SLC44A5: variants seen among roughly 807,000 people sequenced by gnomAD.
The protein encoded by SLC44A5 is choline transporter-like protein 5.
Under a neutral mutation model 101.8 loss-of-function variants are expected in SLC44A5, and 57 were observed. The observed-to-expected ratio is 0.56, with a 90% CI of 0.45 to 0.70. SLC44A5 has a LOEUF of 0.70. Ranked by LOEUF, SLC44A5 falls within the 30% of genes least tolerant of loss-of-function variation. The pLI, the probability that SLC44A5 is intolerant of heterozygous loss-of-function variation, is 0.00. For synonymous variants in SLC44A5, 281 were observed against 290.9 expected, an observed-to-expected ratio of 0.97 and a Z score of 0.35; for missense variants, 737 against 853.1, an observed-to-expected ratio of 0.86 and a Z score of 1.70.
chr1:75,699,767 C>T, the SLC44A5 span, among the ~76,000 whole-genome samples: 7 of 152,066 alleles, frequency 4.6e-5, no homozygotes, highest in African/African-American at 1.2e-4. Context: ...ATCCATCTCA[C>T]GTGCAGAGAC....
intron 3 of SLC44A5, among the ~76,000 whole-genome samples, chr1:75,374,064 C>T (rs1401567235): frequency 6.6e-6 from 1 of 152,180 alleles, no homozygotes; most frequent in Non-Finnish European, 1.5e-5. Context: ...CCCCAAGGAG[C>T]CCTGCAGCCT....
At chr1:75,499,949 A>T (rs969416530) in intron 2 of SLC44A5, among the ~76,000 whole-genome samples, 1 of 152,124 alleles carries the variant, frequency 6.6e-6, no homozygotes, top group African/African-American at 2.4e-5. Context: ...AGTGATAGGC[A>T]TTATTACTAG....
At chr1:75,548,780 C>T (rs889951802) in intron 1 of SLC44A5, among the ~76,000 whole-genome samples, 1 of 152,110 alleles carries the variant, frequency 6.6e-6, no homozygotes, top group Admixed American at 6.6e-5. Flanking sequence ...CAGCCCAAAG[C>T]TCCCACTTTG....
the SLC44A5 span, among the ~76,000 whole-genome samples, chr1:75,619,817 C>T: frequency 2.0e-4 from 31 of 152,036 alleles, no homozygotes; most frequent in Non-Finnish European, 4.4e-5. Context: ...ATAGGTGTTT[C>T]TAAATTTCTG....
chr1:75,395,439 CAA>C (rs1662062476), intron 3 of SLC44A5, among the ~76,000 whole-genome samples: 4 of 152,066 alleles, frequency 2.6e-5, no homozygotes, highest in Admixed American at 2.6e-4. Context: ...ATAGCCTCTA[CAA>C]AAGTTTCTAT....
intron 3 of SLC44A5, among the ~76,000 whole-genome samples, chr1:75,359,101 G>A (rs1659292271): frequency 6.7e-6 from 1 of 148,754 alleles, no homozygotes; most frequent in African/African-American, 2.5e-5. Flanking sequence ...TTGTCTTTTT[G>A]TGCCTAGGCA....
intron 6 of SLC44A5, among the ~76,000 whole-genome samples, chr1:75,254,177 T>TA (rs1649819992): frequency 6.6e-6 from 1 of 152,048 alleles, no homozygotes; most frequent in Non-Finnish European, 1.5e-5. Context: ...TAGATGGGAT[T>TA]ACAGGCACCT....
At chr1:75,666,691 T>C in the SLC44A5 span, among the ~76,000 whole-genome samples, 1 of 152,048 alleles carries the variant, frequency 6.6e-6, no homozygotes, top group South Asian at 2.1e-4. Context: ...AAATCCTCAA[T>C]AAAATACTGG....
intron 2 of SLC44A5, among the ~76,000 whole-genome samples, chr1:75,444,218 G>A (rs866559996): frequency 1.3e-5 from 2 of 151,678 alleles, no homozygotes; most frequent in South Asian, 4.2e-4. Context: ...TTGAGAGGCT[G>A]AGGCAGGAGA....
the SLC44A5 span, among the ~76,000 whole-genome samples, chr1:75,699,804 G>T: frequency 2.0e-5 from 3 of 152,238 alleles, no homozygotes; most frequent in Non-Finnish European, 4.4e-5. Context: ...TAAAGAGATG[G>T]AGGAAGATCT....
At chr1:75,326,235 T>G (rs1656586842) in intron 4 of SLC44A5, among the ~76,000 whole-genome samples, 1 of 150,116 alleles carries the variant, frequency 6.7e-6, no homozygotes, top group African/African-American at 2.4e-5. Flanking sequence ...TATTCTGAAT[T>G]AAGACACCTT....
chr1:75,242,027 G>A lies in SLC44A5; in HGVS notation c.506C>T (p.Pro169Leu). ...AGGTTTGCTGGGAAAAATCGCTGTT[G>A]GACAATCATCATCCAGTAAAAGCTG... ...LTQLLLDDDC[P>L]TAIFPSKPFL... is the part of the protein sequence containing the mutation. The change falls in exon 9 of 24, where the codon CCA becomes CTA. Residue 169 changes from proline (P) to leucine (L), a missense_variant. Pro to Leu is a moderately conservative substitution (Grantham distance 98, BLOSUM62 -3). Coordinates refer to ENST00000370859, the MANE Select transcript of SLC44A5 (RefSeq NM_001130058.2). The A allele has an allele frequency of 6.2e-7, 1 of 1,611,934 alleles. No homozygotes were observed. The highest frequency in any genetic ancestry group is 8.5e-7 in the Non-Finnish European group (1 of 1,178,708).
chr1:75,399,112 G>T (rs781146765), intron 2 of SLC44A5, among the ~76,000 whole-genome samples: 1 of 151,886 alleles, frequency 6.6e-6, no homozygotes, highest in African/African-American at 2.4e-5. Flanking sequence ...GGAGGAGGGG[G>T]TAGCAATGAG....
chr1:75,328,492 T>G (rs1287655496), intron 4 of SLC44A5, among the ~76,000 whole-genome samples: 1 of 152,080 alleles, frequency 6.6e-6, no homozygotes, highest in African/African-American at 2.4e-5. Context: ...TATCTAAGAA[T>G]AGGAGATAGA....
intron 2 of SLC44A5, among the ~76,000 whole-genome samples, chr1:75,414,855 A>G (rs1369787329): frequency 1.3e-5 from 2 of 152,246 alleles, no homozygotes; most frequent in Non-Finnish European, 2.9e-5. Context: ...AGGCAGAGAC[A>G]ATAGTAAGAA....
intron 2 of SLC44A5, among the ~76,000 whole-genome samples, chr1:75,488,904 A>G (rs766462887): frequency 7.2e-4 from 109 of 152,320 alleles, no homozygotes; most frequent in Non-Finnish European, 1.5e-3. Flanking sequence ...GCTGGAGTGC[A>G]ATGGCGTGAT....
the SLC44A5 span, among the ~76,000 whole-genome samples, chr1:75,624,120 T>C: frequency 6.6e-6 from 1 of 152,106 alleles, no homozygotes; most frequent in Admixed American, 6.6e-5. Flanking sequence ...AGGAGCCAGC[T>C]TGAAGTGGTT....
At chr1:75,406,566 T>C (rs1662881707) in intron 2 of SLC44A5, among the ~76,000 whole-genome samples, 1 of 152,026 alleles carries the variant, frequency 6.6e-6, no homozygotes, top group African/African-American at 2.4e-5. Context: ...CATATGCAAA[T>C]CAATAAACAT....
At chr1:75,450,636 C>A (rs1374605252) in intron 2 of SLC44A5, among the ~76,000 whole-genome samples, 2 of 152,174 alleles carry the variant, frequency 1.3e-5, no homozygotes, top group Non-Finnish European at 2.9e-5. Flanking sequence ...GTAGCCACAG[C>A]CAGCTTGAAG....
Sources: allele counts gnomAD v4.1 joint callset (sites outside exome capture counted in the v4.1 genomes callset), GRCh38; gene constraint gnomAD v4.1.1; transcripts MANE v1.5; gene names NCBI Gene and HGNC (gene_info 2026-07-23, HGNC 2026-07-21).